The following MARCHF1 variants were observed in gnomAD, a reference collection of about 807,000 sequenced individuals.
MARCHF1 encodes membrane associated ring-CH-type finger 1.
Under a neutral mutation model 54.2 loss-of-function variants are expected in MARCHF1, and 40 were observed. The observed-to-expected ratio is 0.74, with a 90% CI of 0.57 to 0.96. MARCHF1 has a LOEUF of 0.96. Ranked by LOEUF, MARCHF1 falls within the 40% of genes least tolerant of loss-of-function variation. MARCHF1 has a pLI of 0.00. For synonymous variants in MARCHF1, 236 were observed against 236.3 expected (o/e 1.00, Z 0.01); for missense variants, 586 against 656.5 (o/e 0.89, Z 1.17).
chr4:164,068,314 G>A (rs1754773851), intron 2 of MARCHF1, among the ~76,000 whole-genome samples: 1 of 152,152 alleles, frequency 6.6e-6, no homozygotes, highest in African/African-American at 2.4e-5. Flanking sequence ...GAGCCCTTCA[G>A]CCCACCGCTA....
At chr4:163,802,164 G>C (rs1241776091) in intron 4 of MARCHF1, among the ~76,000 whole-genome samples, 1 of 151,992 alleles carries the variant, frequency 6.6e-6, no homozygotes, top group Non-Finnish European at 1.5e-5. Flanking sequence ...AAAAAGTTAA[G>C]AATGTCACCA....
At chr4:164,166,501 C>A (rs149333611) in intron 1 of MARCHF1, among the ~76,000 whole-genome samples, 31 of 152,008 alleles carry the variant, frequency 2.0e-4, no homozygotes, top group African/African-American at 6.5e-4. Flanking sequence ...AACATCCCAA[C>A]ATATTAAAGT....
At chr4:164,036,611 ATTTATTTTTATT>A (rs1481247167) in intron 2 of MARCHF1, among the ~76,000 whole-genome samples, 1 of 152,212 alleles carries the variant, frequency 6.6e-6, no homozygotes, top group Non-Finnish European at 1.5e-5. Flanking sequence ...AATACAAGAT[ATTTATTTTTATT>A]TAATCATTCT....
At chr4:164,145,275 C>T (rs1359517357) in intron 1 of MARCHF1, among the ~76,000 whole-genome samples, 1 of 152,020 alleles carries the variant, frequency 6.6e-6, no homozygotes, top group Admixed American at 6.6e-5. Context: ...CCTTCTGAAA[C>T]TATTCCAATC....
chr4:163,625,591 A>G (rs1741842067), intron 5 of MARCHF1, among the ~76,000 whole-genome samples: 2 of 152,234 alleles, frequency 1.3e-5, no homozygotes, highest in Admixed American at 6.5e-5. Context: ...ATCGCATCAC[A>G]GCGAACAAAA....
chr4:164,298,905 G>A (rs1734479631), intron 1 of MARCHF1, among the ~76,000 whole-genome samples: 1 of 152,094 alleles, frequency 6.6e-6, no homozygotes, highest in South Asian at 2.1e-4. Context: ...CTTTTCATGT[G>A]TACTCTATAG....
intron 4 of MARCHF1, among the ~76,000 whole-genome samples, chr4:163,738,429 G>C (rs912035518): frequency 1.2e-4 from 18 of 152,018 alleles, no homozygotes; most frequent in Admixed American, 8.5e-4. Context: ...TGCATATTTT[G>C]TAAGAATATT....
chr4:163,877,461 GTT>G (rs71600643), intron 3 of MARCHF1, among the ~76,000 whole-genome samples: 2 of 137,688 alleles, frequency 1.5e-5, no homozygotes, highest in East Asian at 2.1e-4. Flanking sequence ...TGTGGGCACT[GTT>G]TTTTTTTTTT....
At chr4:163,606,711 T>A (rs141145746) in intron 7 of MARCHF1, among the ~76,000 whole-genome samples, 7 of 152,100 alleles carry the variant, frequency 4.6e-5, no homozygotes, top group African/African-American at 1.7e-4. Context: ...AGAATTCTTG[T>A]TTCACTTCTT....
chr4:163,609,395 A>G (rs1482603905), intron 7 of MARCHF1, among the ~76,000 whole-genome samples: 1 of 152,000 alleles, frequency 6.6e-6, no homozygotes, highest in African/African-American at 2.4e-5. Context: ...TTAGGCTCTC[A>G]CCAAATCCAA....
chr4:163,842,262 C>T (rs566933278), intron 4 of MARCHF1, among the ~76,000 whole-genome samples: 5 of 151,804 alleles, frequency 3.3e-5, no homozygotes, highest in East Asian at 1.9e-4. Context: ...TCACCTTGGG[C>T]GAGATGTTTA....
intron 1 of MARCHF1, among the ~76,000 whole-genome samples, chr4:164,171,372 G>T (rs979770448): frequency 6.6e-6 from 1 of 152,010 alleles, no homozygotes; most frequent in African/African-American, 2.4e-5. Context: ...ACATTAACAA[G>T]AATAATATAG....
rs557458592 is a variant in MARCHF1, at chr4:163,974,894, T to C, written c.-39+13607A>G. ...GTAAACTGAGTAAAGCAAATTCACT[T>C]CACTAATATGAGTGGCCCTCATCCA... On this transcript the variant is annotated intron_variant, in intron 3 of 9. Coordinates refer to ENST00000514618, the MANE Select transcript of MARCHF1 (RefSeq NM_001394959.1). Among the ~76,000 whole-genome samples, 101 of 152,290 alleles carry C rather than the reference T, an allele frequency of 6.6e-4. 1 individual carries two copies. Among genetic ancestry groups the C allele is most frequent in the African/African-American group, 2.3e-3 (96 of 41,578 alleles).
chr4:164,058,557 T>C (rs565148943), intron 2 of MARCHF1, among the ~76,000 whole-genome samples: 1 of 152,136 alleles, frequency 6.6e-6, no homozygotes, highest in Admixed American at 6.5e-5. Context: ...ATATTTGAAT[T>C]TATGTTTTGC....
chr4:163,961,311 G>A (rs1752342256), intron 3 of MARCHF1, among the ~76,000 whole-genome samples: 2 of 151,854 alleles, frequency 1.3e-5, no homozygotes, highest in Non-Finnish European at 1.5e-5. Flanking sequence ...TGATCTTACT[G>A]AGCATTAATA....
intron 2 of MARCHF1, among the ~76,000 whole-genome samples, chr4:164,091,433 T>TATATATATAA (rs1006610249): frequency 6.8e-6 from 1 of 146,982 alleles, no homozygotes; most frequent in African/African-American, 2.5e-5. Flanking sequence ...TATATATGTA[T>TATATATATAA]AAAATGAATT....
intron 2 of MARCHF1, among the ~76,000 whole-genome samples, chr4:164,069,358 C>T (rs187801535): frequency 2.0e-5 from 3 of 152,326 alleles, no homozygotes; most frequent in African/African-American, 7.2e-5. Context: ...GATCCCCTTC[C>T]ACACTGCGGA....
chr4:163,600,670 C>T (rs569220975), intron 7 of MARCHF1, among the ~76,000 whole-genome samples: 1 of 152,016 alleles, frequency 6.6e-6, no homozygotes, highest in Non-Finnish European at 1.5e-5. Flanking sequence ...TTTGGTTACA[C>T]CCCCAGAGAG....
intron 3 of MARCHF1, among the ~76,000 whole-genome samples, chr4:163,917,483 T>C (rs1363708538): frequency 6.6e-6 from 1 of 152,150 alleles, no homozygotes; most frequent in Non-Finnish European, 1.5e-5. Context: ...CATCTCATAG[T>C]TGTTTTAATT....
Sources: allele counts gnomAD v4.1 joint callset (sites outside exome capture counted in the v4.1 genomes callset), GRCh38; gene constraint gnomAD v4.1.1; transcripts MANE v1.5; gene names NCBI Gene and HGNC (gene_info 2026-07-23, HGNC 2026-07-21).